GSDMC: variants seen among roughly 807,000 people sequenced by gnomAD.
The protein encoded by GSDMC is gasdermin-C.
Under a neutral mutation model 58.0 loss-of-function variants are expected in GSDMC, and 59 were observed. The observed-to-expected ratio is 1.02, with a 90% CI of 0.82 to 1.26. GSDMC has a LOEUF of 1.26. Among genes scored for constraint, GSDMC ranks in the 50% most tolerant of loss-of-function variants. The pLI, the probability that GSDMC is intolerant of heterozygous loss-of-function variation, is 0.00. For missense variants in GSDMC, 659 were observed against 598.5 expected (o/e 1.10, Z -1.06); for synonymous variants, 241 against 220.2 (o/e 1.09, Z -0.83).
chr8:129,752,765 T>C lies in GSDMC; in HGVS notation c.777A>G (p.Leu259=), dbSNP rs73712933. 2,062 of 1,614,196 alleles carry C rather than the reference T, an allele frequency of 1.3e-3. 23 individuals carry two copies. The African/African-American group carries it at 0.025, about 19-fold the overall frequency. Residue 259 remains leucine (L), a synonymous_variant, in exon 7 of 14, where the codon CTA becomes CTG. Coordinates refer to ENST00000276708, the MANE Select transcript of GSDMC (RefSeq NM_031415.3). ...GYCAARSEGL[L]PSFHTISPTL... is the part of the protein sequence containing the mutation. Reference sequence around the variant, plus strand: ...TTGGAGAGATGGTATGAAATGATGGTAGCAACCCCTCACTCCTCGCAGCAC... The same window carrying C: ...TTGGAGAGATGGTATGAAATGATGGCAGCAACCCCTCACTCCTCGCAGCAC...
the GSDMC span, among the ~76,000 whole-genome samples, chr8:129,741,387 A>G: frequency 6.6e-6 from 1 of 152,150 alleles, no homozygotes; most frequent in Non-Finnish European, 1.5e-5. Context: ...AAATGATATT[A>G]GAATTTTGAT....
chr8:129,729,449 T>A, the GSDMC span: 2 of 316,670 alleles, frequency 6.3e-6, no homozygotes, highest in South Asian at 6.1e-5. Flanking sequence ...TCCTAATGCT[T>A]TCCCTCCCCC....
At chr8:129,742,125 A>G in the GSDMC span, among the ~76,000 whole-genome samples, 1 of 152,010 alleles carries the variant, frequency 6.6e-6, no homozygotes, top group Non-Finnish European at 1.5e-5. Flanking sequence ...GGAGGTTACC[A>G]GATACTAGGG....
chr8:129,751,987 G>A, intron 8 of GSDMC, 96 bp from the exon 9 acceptor site: 11 of 1,456,052 alleles, frequency 7.6e-6, no homozygotes, highest in Non-Finnish European at 1.1e-5. Context: ...TTCTCTATCT[G>A]TTCCTGCCCT....
the GSDMC span, among the ~76,000 whole-genome samples, chr8:129,742,993 T>C: frequency 1.3e-5 from 2 of 152,198 alleles, no homozygotes; most frequent in Non-Finnish European, 2.9e-5. Context: ...GTAACCTTTC[T>C]TTCTCTGAAT....
intron 4 of GSDMC, among the ~76,000 whole-genome samples, chr8:129,764,846 C>T (rs1257310412): frequency 6.6e-6 from 1 of 152,168 alleles, no homozygotes; most frequent in Non-Finnish European, 1.5e-5. Context: ...GATTCCTGAA[C>T]CTTTTGGGGG....
At chr8:129,751,403 A>C in intron 10 of GSDMC, 139 bp downstream of exon 10, 1 of 690,226 alleles carries the variant, frequency 1.4e-6, no homozygotes, top group Non-Finnish European at 2.5e-6. Flanking sequence ...TCCTCAATAA[A>C]TGTTTGTTTG....
intron 6 of GSDMC, among the ~76,000 whole-genome samples, chr8:129,759,074 C>A (rs2033556050): frequency 6.6e-6 from 1 of 152,056 alleles, no homozygotes; most frequent in Non-Finnish European, 1.5e-5. Flanking sequence ...CTACAGTGAA[C>A]CATCTTTGAC....
the GSDMC span, among the ~76,000 whole-genome samples, chr8:129,728,541 G>A: frequency 6.6e-6 from 1 of 152,214 alleles, no homozygotes; most frequent in African/African-American, 2.4e-5. Context: ...CATGGGACCT[G>A]CAGGTGTACC....
At chr8:129,714,985 C>T in the GSDMC span, among the ~76,000 whole-genome samples, 3 of 151,984 alleles carry the variant, frequency 2.0e-5, no homozygotes, top group Non-Finnish European at 4.4e-5. Context: ...AATTATAATA[C>T]CAAGGGTAAG....
the GSDMC span, among the ~76,000 whole-genome samples, chr8:129,732,073 G>T: frequency 2.0e-5 from 3 of 152,110 alleles, no homozygotes; most frequent in South Asian, 4.1e-4. Context: ...AGCATCAAGA[G>T]GTGGGGCCTT....
In GSDMC at chr8:129,749,536, G is replaced by A; in HGVS notation, c.1214-11C>T. ...GGAAGTCACTCAGCACTGAGGGTGG[G>A]GGACATGTGGGGAAAGACAGTAGTG... On this transcript the variant is annotated splice_polypyrimidine_tract_variant and intron_variant, in intron 12 of 13. Transcript: ENST00000276708. 3.7e-6 allele frequency: 6 copies of A among 1,604,764 alleles called. No homozygotes were observed. Among genetic ancestry groups the A allele is most frequent in the Non-Finnish European group, 8.5e-7 (1 of 1,171,646 alleles).
chr8:129,719,734 C>A, the GSDMC span, among the ~76,000 whole-genome samples: 1 of 152,062 alleles, frequency 6.6e-6, no homozygotes, highest in South Asian at 2.1e-4. Flanking sequence ...CACTTGAGGC[C>A]GGGAATTTGA....
the GSDMC span, among the ~76,000 whole-genome samples, chr8:129,734,173 T>G: frequency 6.6e-6 from 1 of 152,138 alleles, no homozygotes; most frequent in Non-Finnish European, 1.5e-5. Flanking sequence ...TATGGGACTA[T>G]GTGAAAAGAC....
At chr8:129,724,442 A>T in the GSDMC span, among the ~76,000 whole-genome samples, 2 of 152,196 alleles carry the variant, frequency 1.3e-5, no homozygotes, top group Non-Finnish European at 2.9e-5. Context: ...AATAGATAAT[A>T]CAATAACAAT....
the GSDMC span, chr8:129,729,845 AT>A: frequency 1.3e-6 from 1 of 769,408 alleles, no homozygotes; most frequent in Non-Finnish European, 2.3e-6. Flanking sequence ...GCAAGGCTGC[AT>A]CCATGCTAGC....
At chr8:129,729,306 T>A in the GSDMC span, 2 of 557,070 alleles carry the variant, frequency 3.6e-6, no homozygotes, top group South Asian at 1.5e-5. Context: ...CACATGAAAT[T>A]TGTTTTTTTT....
the GSDMC span, among the ~76,000 whole-genome samples, chr8:129,730,598 A>G: frequency 3.9e-5 from 6 of 152,246 alleles, no homozygotes; most frequent in Non-Finnish European, 7.3e-5. Flanking sequence ...ATTTACACAG[A>G]TCTCTTTCAA....
At chr8:129,777,160 T>A (rs1218073969) in intron 2 of GSDMC, among the ~76,000 whole-genome samples, 1 of 152,224 alleles carries the variant, frequency 6.6e-6, no homozygotes, top group Non-Finnish European at 1.5e-5. Flanking sequence ...ATGAGCCTGA[T>A]ACAAATATTA....
Sources: gnomAD v4.1 joint callset for allele counts (sites outside exome capture counted in the v4.1 genomes callset) on GRCh38, gnomAD v4.1.1 for gene constraint, MANE v1.5 for transcripts, NCBI Gene and HGNC (gene_info 2026-07-23, HGNC 2026-07-21) for gene names.